CTNNA3: variants seen among roughly 807,000 people sequenced by gnomAD.
CTNNA3 encodes catenin alpha-3.
In CTNNA3, 76 loss-of-function variants were observed where a neutral mutation model predicts 95.7. That is an observed-to-expected ratio of 0.79 (90% CI 0.66 to 0.96). The LOEUF (loss-of-function observed/expected upper bound fraction) is 0.96, where lower values mean the gene tolerates loss of function less well. Among genes scored for constraint, CTNNA3 ranks in the 40% least tolerant of loss-of-function variants. The probability of loss-of-function intolerance (pLI) is 0.00; values close to 1 mark genes in which losing one functional copy is unlikely to be tolerated. For missense variants in CTNNA3, 1,191 were observed against 1,089.8 expected, an observed-to-expected ratio of 1.09 and a Z score of -1.31; for synonymous variants, 431 against 374.4, an observed-to-expected ratio of 1.15 and a Z score of -1.74.
intron 9 of CTNNA3, among the ~76,000 whole-genome samples, chr10:66,752,386 T>C (rs2132731779): frequency 6.6e-6 from 1 of 152,290 alleles, no homozygotes; most frequent in Non-Finnish European, 1.5e-5. Context: ...TAGACATCCA[T>C]ATGTAATAAA....
chr10:66,296,314 G>T (rs2091775797), intron 12 of CTNNA3, among the ~76,000 whole-genome samples: 1 of 152,022 alleles, frequency 6.6e-6, no homozygotes, highest in Admixed American at 6.6e-5. Context: ...TACTTTCTCA[G>T]CTGTTACTCA....
At chr10:66,309,685 C>CA (rs60400266) in intron 12 of CTNNA3, among the ~76,000 whole-genome samples, 7,190 of 41,692 alleles carry the variant, frequency 0.17, 1,547 homozygotes, top group Middle Eastern at 0.25. Flanking sequence ...GACTCCGTCT[C>CA]AAAAAAAAAA....
chr10:67,028,550 GAAAATAGAATGTAGTTATGTC>G (rs1390475213), intron 7 of CTNNA3, among the ~76,000 whole-genome samples: 19 of 150,698 alleles, frequency 1.3e-4, no homozygotes, highest in African/African-American at 4.6e-4. Flanking sequence ...CAGACATTTT[GAAAATAGAATGTAGTTATGTC>G]AAACAGCATG....
At chr10:67,305,668 T>C (rs1383029977) in intron 5 of CTNNA3, among the ~76,000 whole-genome samples, 1 of 151,982 alleles carries the variant, frequency 6.6e-6, no homozygotes, top group East Asian at 1.9e-4. Flanking sequence ...TAGGATACCA[T>C]TACAGTTAAA....
chr10:67,248,149 G>A (rs186053531), intron 5 of CTNNA3, among the ~76,000 whole-genome samples: 30 of 152,012 alleles, frequency 2.0e-4, no homozygotes, highest in Non-Finnish European at 3.7e-4. Context: ...TGGCAAAACC[G>A]TATCTTAATT....
intron 13 of CTNNA3, among the ~76,000 whole-genome samples, chr10:66,280,261 A>C (rs946470628): frequency 5.3e-5 from 8 of 152,092 alleles, no homozygotes; most frequent in Non-Finnish European, 1.0e-4. Flanking sequence ...AAATGCACTC[A>C]TTTGTGTAAG....
chr10:67,289,974 A>C (rs1401219254), intron 5 of CTNNA3, among the ~76,000 whole-genome samples: 1 of 152,052 alleles, frequency 6.6e-6, no homozygotes, highest in Non-Finnish European at 1.5e-5. Flanking sequence ...AATTTAAAAA[A>C]AAAAAAACAT....
intron 11 of CTNNA3, among the ~76,000 whole-genome samples, chr10:66,449,213 G>C (rs2093445724): frequency 6.6e-6 from 1 of 151,998 alleles, no homozygotes; most frequent in Admixed American, 6.6e-5. Flanking sequence ...AAGGTGCTGG[G>C]GGGACATTCA....
chr10:66,314,801 T>C (rs1273861640), intron 12 of CTNNA3, among the ~76,000 whole-genome samples: 2 of 152,090 alleles, frequency 1.3e-5, no homozygotes, highest in Non-Finnish European at 2.9e-5. Context: ...AGCCAATCTT[T>C]AGCATCACTT....
intron 9 of CTNNA3, among the ~76,000 whole-genome samples, chr10:66,747,188 G>C (rs772628150): frequency 3.9e-5 from 6 of 152,170 alleles, no homozygotes; most frequent in Non-Finnish European, 7.3e-5. Context: ...AGCTTAGAAA[G>C]TATATATTGT....
intron 5 of CTNNA3, among the ~76,000 whole-genome samples, chr10:67,514,172 T>A (rs926016368): frequency 5.3e-5 from 8 of 152,094 alleles, no homozygotes; most frequent in Admixed American, 5.2e-4. Flanking sequence ...TGGTGGTGGA[T>A]GCCTGTAATT....
At chr10:66,617,583 G>A (rs939656653) in intron 10 of CTNNA3, among the ~76,000 whole-genome samples, 10 of 152,048 alleles carry the variant, frequency 6.6e-5, no homozygotes, top group African/African-American at 2.4e-4. Context: ...AGCTATCTAT[G>A]ACAAACCCAC....
intron 12 of CTNNA3, among the ~76,000 whole-genome samples, chr10:66,366,941 GT>G (rs1409874059): frequency 6.6e-6 from 1 of 152,098 alleles, no homozygotes; most frequent in Non-Finnish European, 1.5e-5. Flanking sequence ...TACAGACGGT[GT>G]TGGATAATTG....
chr10:67,249,660 T>C (rs1866031619), intron 5 of CTNNA3, among the ~76,000 whole-genome samples: 1 of 152,186 alleles, frequency 6.6e-6, no homozygotes, highest in Admixed American at 6.5e-5. Flanking sequence ...TAAGAAAGAC[T>C]AAGGTAAGTA....
rs559613489 is a variant in CTNNA3 at position 67,744,618 on chromosome 10, A to T, written c.-2+18816T>A. 1.0e-3 allele frequency among the ~76,000 whole-genome samples: 153 copies of T among 151,230 alleles called. 5 individuals carry two copies. The highest frequency in any genetic ancestry group is 1.7e-3 in the Non-Finnish European group (117 of 67,692). ...GCAAGGACTTCATGTCTAAAACACC[A>T]AAAGCAATGGCAACAAAAGCCAAAA... On this transcript the variant is annotated intron_variant, in intron 1 of 17. Transcript: ENST00000684154.
intron 17 of CTNNA3, among the ~76,000 whole-genome samples, chr10:65,936,262 T>A (rs1475233757): frequency 6.6e-6 from 1 of 152,140 alleles, no homozygotes; most frequent in East Asian, 1.9e-4. Context: ...CTGGTATTAA[T>A]GTAGTTAGGT....
chr10:66,293,032 ATATT>A (rs1434106685), intron 12 of CTNNA3, among the ~76,000 whole-genome samples: 11 of 152,268 alleles, frequency 7.2e-5, no homozygotes, highest in African/African-American at 2.6e-4. Context: ...ATTTCAATAG[ATATT>A]TACTTATTGA....
intron 3 of CTNNA3, among the ~76,000 whole-genome samples, chr10:67,580,145 A>C (rs549044064): frequency 1.3e-5 from 2 of 152,256 alleles, no homozygotes; most frequent in African/African-American, 4.8e-5. Context: ...TATGTCCTGA[A>C]TGGTACTGCC....
chr10:67,724,728 C>A (rs958951392), intron 1 of CTNNA3, among the ~76,000 whole-genome samples: 5 of 152,144 alleles, frequency 3.3e-5, no homozygotes, highest in African/African-American at 1.2e-4. Context: ...TTTAGAAGTA[C>A]CTAGTATATT....
Sources: allele counts gnomAD v4.1 joint callset (sites outside exome capture counted in the v4.1 genomes callset), GRCh38; gene constraint gnomAD v4.1.1; transcripts MANE v1.5; gene names NCBI Gene and HGNC (gene_info 2026-07-23, HGNC 2026-07-21).